Variants in MYO6 observed in about 807,000 individuals in gnomAD.
MYO6 encodes the protein myosin VI, also known as unconventional myosin-VI.
MYO6 carries 74 observed loss-of-function variants against 178.7 expected under a neutral mutation model. That is an observed-to-expected ratio of 0.41 (90% CI 0.34 to 0.50). The LOEUF (loss-of-function observed/expected upper bound fraction) is 0.50. MYO6 is among the 20% of genes least tolerant of loss of function. The pLI, the probability that MYO6 is intolerant of heterozygous loss-of-function variation, is 0.09. For synonymous variants in MYO6, 477 were observed against 504.6 expected (o/e 0.95, Z 0.73); for missense variants, 1,330 against 1,547.4 (o/e 0.86, Z 2.36).
chr6:75,818,728 G>C (rs1583180745), intron 2 of MYO6, among the ~76,000 whole-genome samples: 1 of 152,230 alleles, frequency 6.6e-6, no homozygotes, highest in East Asian at 1.9e-4. Flanking sequence ...AAACAACCCA[G>C]GGACTGAAAT....
intron 10 of MYO6, among the ~76,000 whole-genome samples, chr6:75,845,289 CT>C (rs1235990971): frequency 2.6e-5 from 4 of 152,106 alleles, no homozygotes; most frequent in African/African-American, 9.7e-5. Context: ...GAAACTTGCT[CT>C]TATATTACCC....
chr6:75,845,419 G>C (rs1384456301), intron 10 of MYO6, among the ~76,000 whole-genome samples: 1 of 152,126 alleles, frequency 6.6e-6, no homozygotes, highest in Non-Finnish European at 1.5e-5. Context: ...TAGGCTAGGC[G>C]TGGTGGCTCA....
chr6:75,862,785 T>C, intron 16 of MYO6, 62 bp downstream of exon 16: 2 of 1,563,122 alleles, frequency 1.3e-6, no homozygotes, highest in Admixed American at 3.3e-5. Flanking sequence ...AAAAGGTGCA[T>C]TAGCTATTAG....
chr6:75,862,665 G>C lies in MYO6; in HGVS notation c.1616G>C (p.Ser539Thr). ...GAAGAAAATCGCCTTCCCCAGCCAA[G>C]TGATCAACACTTTACATCTGCAGTT... ...LDEENRLPQP[S>T]DQHFTSAVHQ... The change falls in exon 16 of 35, where the codon AGT becomes ACT. Residue 539 changes from serine (S) to threonine (T), a missense_variant. Physicochemically the swap from Ser to Thr is moderately conservative, Grantham distance 58 (BLOSUM62 1). Around this residue, in one of 3 missense-constraint regions of MYO6, gnomAD observed 613 missense variants for 816.8 expected, o/e 0.75. Transcript: ENST00000369977. 1 of 1,614,090 alleles carries C rather than the reference G, an allele frequency of 6.2e-7. No homozygotes were observed. The highest frequency in any genetic ancestry group is 2.2e-5 in the East Asian group (1 of 44,874).
chr6:75,778,189 G>A (rs1397602020), intron 1 of MYO6, among the ~76,000 whole-genome samples: 1 of 151,970 alleles, frequency 6.6e-6, no homozygotes, highest in Non-Finnish European at 1.5e-5. Flanking sequence ...ATATTTTATG[G>A]TTTCTTAAGA....
At chr6:75,832,005 G>A (rs1773148136) in intron 5 of MYO6, among the ~76,000 whole-genome samples, 1 of 152,082 alleles carries the variant, frequency 6.6e-6, no homozygotes, top group Non-Finnish European at 1.5e-5. Context: ...AAGTCTTCTT[G>A]GCACATGTCT....
At chr6:75,795,165 C>T (rs1015841547) in intron 1 of MYO6, among the ~76,000 whole-genome samples, 2 of 152,072 alleles carry the variant, frequency 1.3e-5, no homozygotes, top group African/African-American at 4.8e-5. Flanking sequence ...TGTAAAGACT[C>T]GAGAATGAAT....
intron 16 of MYO6, among the ~76,000 whole-genome samples, chr6:75,864,038 A>C (rs1456739769): frequency 6.6e-6 from 1 of 152,156 alleles, no homozygotes; most frequent in African/African-American, 2.4e-5. Flanking sequence ...CCACAAAGAT[A>C]GTTGCTGCCT....
In MYO6 at chr6:75,881,756, A is replaced by G. The variant is rs1284331339; in HGVS notation, c.2354A>G (p.Asn785Ser). The G allele has an allele frequency of 5.6e-6, 9 of 1,613,962 alleles. No homozygotes were observed. The highest frequency in any genetic ancestry group is 4.5e-5 in the East Asian group (2 of 44,888). ...TTAGCAGAGTTGGTTAAAAGAGTCAATCACTGGCTCACATGCAGTCGCTGG... is the reference window on the plus strand; with the variant it reads ...TTAGCAGAGTTGGTTAAAAGAGTCAGTCACTGGCTCACATGCAGTCGCTGG... ...DHLAELVKRV[N>S]HWLTCSRWKK... is the part of the protein sequence containing the mutation. Residue 785 changes from asparagine (N) to serine (S), a missense_variant, in exon 23 of 35, where the codon AAT becomes AGT. This residue lies in a region of MYO6 where 601 missense variants were observed against 626.1 expected (regional missense o/e 0.96). Transcript: ENST00000369977.
intron 7 of MYO6, among the ~76,000 whole-genome samples, chr6:75,836,745 G>A (rs941294397): frequency 6.6e-6 from 1 of 151,792 alleles, no homozygotes; most frequent in Admixed American, 6.6e-5. Context: ...ACCACATCTG[G>A]CTAATTTTTG....
Position 75,817,663 on chromosome 6 carries a change from A to G in MYO6, c.116A>G (p.Lys39Arg), listed in dbSNP as rs760808681. The change falls in exon 2 of 35, where the codon AAG (lysine) becomes AGG (arginine). Residue 39 changes from lysine to arginine, a missense_variant and splice_region_variant. Physicochemically the swap from Lys to Arg is conservative, Grantham distance 26. This residue lies in a region of MYO6 where 116 missense variants were observed against 104.6 expected (regional missense o/e 1.11). Transcript: ENST00000369977. ...ATTGAACCCTTGAATCAGAAAGGCA[A>G]GGTGAGTTTCTCAGAAAGATGTTGA... The part of the protein sequence containing the change: ...LTIEPLNQKG[K>R]TFLALINQVF... 7 of 1,612,150 alleles carry G rather than the reference A, an allele frequency of 4.3e-6. No homozygotes were observed. Among genetic ancestry groups the G allele is most frequent in the South Asian group, 2.2e-5 (2 of 91,042 alleles).
At chr6:75,754,757 A>G (rs1457319808) in intron 1 of MYO6, among the ~76,000 whole-genome samples, 3 of 152,202 alleles carry the variant, frequency 2.0e-5, no homozygotes, top group Non-Finnish European at 4.4e-5. Flanking sequence ...GAAAAAATAA[A>G]TAGAAACCAT....
chr6:75,906,511 A>G (rs1378296447), intron 30 of MYO6, among the ~76,000 whole-genome samples: 2 of 152,006 alleles, frequency 1.3e-5, no homozygotes, highest in African/African-American at 4.8e-5. Flanking sequence ...CCCCATCTCT[A>G]CAAAAATTAT....
At chr6:75,884,025 C>T (rs1778239721) in intron 23 of MYO6, among the ~76,000 whole-genome samples, 1 of 152,068 alleles carries the variant, frequency 6.6e-6, no homozygotes, top group Non-Finnish European at 1.5e-5. Flanking sequence ...AATACAGAAA[C>T]ATCTTTATTA....
intron 1 of MYO6, among the ~76,000 whole-genome samples, chr6:75,788,915 G>A (rs1355925562): frequency 5.3e-5 from 8 of 152,192 alleles, no homozygotes; most frequent in Admixed American, 5.2e-4. Context: ...AAAGAAATAA[G>A]CGTTTGTCAT....
At chr6:75,803,253 G>A (rs755453417) in intron 1 of MYO6, among the ~76,000 whole-genome samples, 9 of 151,906 alleles carry the variant, frequency 5.9e-5, no homozygotes, top group Non-Finnish European at 1.0e-4. Flanking sequence ...TTCATAGTAA[G>A]CTTATTAATG....
At chr6:75,868,500 T>A (rs1776878574) in intron 18 of MYO6, among the ~76,000 whole-genome samples, 1 of 152,110 alleles carries the variant, frequency 6.6e-6, no homozygotes, top group East Asian at 1.9e-4. Context: ...CAGTTTTTCT[T>A]TGGATTACAT....
intron 10 of MYO6, among the ~76,000 whole-genome samples, chr6:75,846,219 C>T (rs1774718894): frequency 6.6e-6 from 1 of 151,760 alleles, no homozygotes; most frequent in South Asian, 2.1e-4. Context: ...GTTACACGTA[C>T]TCAAGGGGCT....
At chr6:75,820,779 C>A (rs1030607526) in intron 2 of MYO6, among the ~76,000 whole-genome samples, 2 of 152,152 alleles carry the variant, frequency 1.3e-5, no homozygotes, top group Admixed American at 6.5e-5. Flanking sequence ...CTCCCTCCCC[C>A]CCATTCAGTA....
Sources: gnomAD v4.1 joint callset for allele counts (sites outside exome capture counted in the v4.1 genomes callset) on GRCh38, gnomAD v4.1.1 for gene constraint, gnomAD v4.1.1 regional missense constraint, MANE v1.5 for transcripts, NCBI Gene and HGNC (gene_info 2026-07-23, HGNC 2026-07-21) for gene names.